SP100: variants seen among roughly 807,000 people sequenced by gnomAD.
SP100 encodes the protein SP100 nuclear body protein.
In SP100, 84 loss-of-function variants were observed where a neutral mutation model predicts 130.0. That is an observed-to-expected ratio of 0.65 (90% CI 0.54 to 0.77). The LOEUF (loss-of-function observed/expected upper bound fraction) is 0.77, where lower values mean the gene tolerates loss of function less well. SP100 is among the 30% of genes least tolerant of loss of function. The probability of loss-of-function intolerance (pLI) is 0.00; values close to 1 mark genes in which losing one functional copy is unlikely to be tolerated. For missense variants in SP100, 978 were observed against 1,052.2 expected (o/e 0.93, Z 0.97); for synonymous variants, 331 against 351.7 (o/e 0.94, Z 0.66).
chr2:230,488,215 ATAC>A (rs1448951721), intron 17 of SP100, among the ~76,000 whole-genome samples: 7 of 152,226 alleles, frequency 4.6e-5, no homozygotes, highest in African/African-American at 1.7e-4. Context: ...AGAACTTCCA[ATAC>A]TATGTTGAAC....
At chr2:230,537,346 G>A (rs1477118674) in intron 24 of SP100, among the ~76,000 whole-genome samples, 4 of 152,148 alleles carry the variant, frequency 2.6e-5, no homozygotes, top group Admixed American at 2.6e-4. Flanking sequence ...TATTTTCTTA[G>A]CCAATGCTCT....
At chr2:230,542,171 G>A (rs1692203100) in intron 28 of SP100, 136 bp downstream of exon 28, 3 of 955,000 alleles carry the variant, frequency 3.1e-6, no homozygotes, top group Non-Finnish European at 4.7e-6. Context: ...ACAAATCCTG[G>A]AAGTATCCTA....
intron 17 of SP100, among the ~76,000 whole-genome samples, chr2:230,477,910 G>C (rs969428446): frequency 6.7e-6 from 1 of 148,750 alleles, no homozygotes; most frequent in Non-Finnish European, 1.5e-5. Flanking sequence ...ACCCCAGCCT[G>C]GGTGACAGAA....
chr2:230,521,234 G>C (rs1013946819), intron 24 of SP100, among the ~76,000 whole-genome samples: 1 of 152,104 alleles, frequency 6.6e-6, no homozygotes, highest in African/African-American at 2.4e-5. Flanking sequence ...GATCTTTATA[G>C]TTTCTTTTGA....
intron 19 of SP100, among the ~76,000 whole-genome samples, chr2:230,501,418 A>T (rs1305538259): frequency 1.3e-5 from 2 of 152,162 alleles, no homozygotes; most frequent in Admixed American, 1.3e-4. Flanking sequence ...TCAGGATATG[A>T]TTCCTCTTGA....
Position 230,466,837 on chromosome 2 carries a change from G to A in SP100, c.1196-283G>A, listed in dbSNP as rs76448138. 2.1e-3 allele frequency among the ~76,000 whole-genome samples: 317 copies of A among 152,300 alleles called. 1 individual carries two copies. The highest frequency in any genetic ancestry group is 3.4e-3 in the Non-Finnish European group (230 of 68,028). ...GGACAAGTAAAGAAAGAAAGATAATGTGGTGTAAGAAGACAGAGGGCCAAG... is the reference window on the plus strand; with the variant it reads ...GGACAAGTAAAGAAAGAAAGATAATATGGTGTAAGAAGACAGAGGGCCAAG... On this transcript the variant is annotated intron_variant, in intron 12 of 28. Coordinates refer to ENST00000340126, the MANE Select transcript of SP100 (RefSeq NM_001080391.2).
At chr2:230,483,726 G>A (rs535332253) in intron 17 of SP100, among the ~76,000 whole-genome samples, 5 of 152,244 alleles carry the variant, frequency 3.3e-5, no homozygotes, top group Middle Eastern at 3.4e-3. Context: ...ATGCAGATAC[G>A]TGTGGGTATG....
Position 230,539,315 on chromosome 2 carries a change from T to C in SP100, c.2143T>C (p.Phe715Leu). Reference sequence around the variant, plus strand: ...GGTGTGCAACAAATGGGGACGGCTGTTCTGCTGCGACACTTGTCCAAGATC... The same window carrying C: ...GGTGTGCAACAAATGGGGACGGCTGCTCTGCTGCGACACTTGTCCAAGATC... ...CEVCNKWGRL[F>L]CCDTCPRSFH... The change falls in exon 25 of 29, where the codon TTC becomes CTC. Residue 715 changes from phenylalanine (F) to leucine (L), a missense_variant. Phe to Leu is a conservative substitution (Grantham distance 22, BLOSUM62 0). Coordinates refer to ENST00000340126, the MANE Select transcript of SP100 (RefSeq NM_001080391.2). 6.2e-7 allele frequency: 1 copy of C among 1,614,022 alleles called. No individual in the cohort carries two copies.
intron 17 of SP100, among the ~76,000 whole-genome samples, chr2:230,481,024 T>TGGTGG (rs138781451): frequency 6.9e-6 from 1 of 144,222 alleles, no homozygotes; most frequent in Non-Finnish European, 1.5e-5. Context: ...AGTGGTAGTA[T>TGGTGG]TGGTGGTGGT....
intron 24 of SP100, among the ~76,000 whole-genome samples, chr2:230,513,347 G>C (rs1260762857): frequency 1.3e-5 from 2 of 152,144 alleles, no homozygotes; most frequent in Non-Finnish European, 2.9e-5. Context: ...GGGTCACTGG[G>C]TTATGCATTA....
intron 18 of SP100, among the ~76,000 whole-genome samples, chr2:230,497,967 C>T (rs1390932917): frequency 2.0e-5 from 3 of 152,166 alleles, no homozygotes; most frequent in Non-Finnish European, 4.4e-5. Context: ...CAAATTCTTG[C>T]ATTGCTGCCA....
chr2:230,424,668 CAAAA>C (rs770362175), intron 2 of SP100, among the ~76,000 whole-genome samples: 1 of 111,726 alleles, frequency 9.0e-6, no homozygotes, highest in Admixed American at 9.6e-5. Flanking sequence ...GACTCCATCT[CAAAA>C]AAAAAAAAAA....
At chr2:230,532,928 C>A (rs964422181) in intron 24 of SP100, among the ~76,000 whole-genome samples, 3 of 152,060 alleles carry the variant, frequency 2.0e-5, no homozygotes, top group African/African-American at 7.2e-5. Context: ...TTACAGGCGC[C>A]CACCACCACG....
chr2:230,461,909 A>C (rs923464420), intron 9 of SP100, among the ~76,000 whole-genome samples: 1 of 151,888 alleles, frequency 6.6e-6, no homozygotes, highest in Non-Finnish European at 1.5e-5. Flanking sequence ...AGATTCCGCC[A>C]CTGCACTCCA....
intron 2 of SP100, among the ~76,000 whole-genome samples, chr2:230,418,151 A>G (rs972241221): frequency 4.6e-5 from 7 of 152,170 alleles, no homozygotes; most frequent in Admixed American, 3.3e-4. Flanking sequence ...CATTGGAGCC[A>G]CTTTAGCCTT....
At chr2:230,438,234 T>G (rs1051520612) in intron 2 of SP100, among the ~76,000 whole-genome samples, 3 of 152,204 alleles carry the variant, frequency 2.0e-5, no homozygotes, top group Admixed American at 6.5e-5. Context: ...ATCATTTTTC[T>G]TTTACATTCT....
At chr2:230,448,718 G>A (rs1395223843) in intron 5 of SP100, among the ~76,000 whole-genome samples, 2 of 152,214 alleles carry the variant, frequency 1.3e-5, no homozygotes, top group Non-Finnish European at 2.9e-5. Context: ...TTGTGTGAAA[G>A]GGGGTGGGCA....
At chr2:230,480,745 G>A (rs375131857) in intron 17 of SP100, among the ~76,000 whole-genome samples, 1 of 152,198 alleles carries the variant, frequency 6.6e-6, no homozygotes, top group Non-Finnish European at 1.5e-5. Context: ...CAAAGAGATC[G>A]AGCTGGTGTG....
intron 17 of SP100, among the ~76,000 whole-genome samples, chr2:230,481,786 C>G (rs2065843761): frequency 6.6e-6 from 1 of 152,196 alleles, no homozygotes. Context: ...ATGATTCCCC[C>G]TCACTTGCTA....
Sources: allele counts gnomAD v4.1 joint callset (sites outside exome capture counted in the v4.1 genomes callset), GRCh38; gene constraint gnomAD v4.1.1; transcripts MANE v1.5; gene names NCBI Gene and HGNC (gene_info 2026-07-23, HGNC 2026-07-21).